PREP: variants seen among roughly 807,000 people sequenced by gnomAD.
The protein encoded by PREP is dJ355L5.1 (prolyl endopeptidase).
PREP carries 29 observed loss-of-function variants against 87.6 expected under a neutral mutation model. The observed-to-expected ratio is 0.33, with a 90% CI of 0.25 to 0.45. The LOEUF is 0.45. Ranked by LOEUF, PREP falls within the 20% of genes least tolerant of loss-of-function variation. The probability of loss-of-function intolerance (pLI) is 1.00; values close to 1 mark genes in which losing one functional copy is unlikely to be tolerated. For missense variants in PREP, 695 were observed against 886.5 expected, an observed-to-expected ratio of 0.78 and a Z score of 2.74; for synonymous variants, 337 against 328.6, an observed-to-expected ratio of 1.03 and a Z score of -0.28.
intron 10 of PREP, chr6:105,302,785 C>G (rs528861317): frequency 6.1e-5 from 29 of 473,120 alleles, no homozygotes; most frequent in African/African-American, 3.8e-4. Flanking sequence ...GCAACTCTTT[C>G]TCCTTCCCGT....
chr6:105,310,259 T>C (rs1357533892), intron 10 of PREP, among the ~76,000 whole-genome samples: 2 of 152,322 alleles, frequency 1.3e-5, no homozygotes, highest in South Asian at 2.1e-4. Flanking sequence ...ATACCATTAA[T>C]ACAAGATTAT....
chr6:105,298,935 AAAAAAACC>A (rs1175123455), intron 10 of PREP: 1 of 152,192 alleles, frequency 6.6e-6, no homozygotes, highest in Admixed American at 6.5e-5. Context: ...ATTCTCCTTC[AAAAAAACC>A]AAAAAACCTT....
intron 8 of PREP, among the ~76,000 whole-genome samples, chr6:105,332,801 A>G (rs1417885390): frequency 1.3e-5 from 2 of 152,198 alleles, no homozygotes; most frequent in African/African-American, 4.8e-5. Context: ...GACGTTCTCA[A>G]GAGGTTAATG....
At chr6:105,283,522 A>T (rs1770124930) in intron 12 of PREP, among the ~76,000 whole-genome samples, 1 of 152,242 alleles carries the variant, frequency 6.6e-6, no homozygotes, top group Admixed American at 6.5e-5. Context: ...TATCAAAACA[A>T]ATGTTATTAA....
At chr6:105,393,134 C>G (rs998269053) in intron 2 of PREP, among the ~76,000 whole-genome samples, 2 of 152,160 alleles carry the variant, frequency 1.3e-5, no homozygotes, top group South Asian at 2.1e-4. Context: ...ATTAGCCATA[C>G]CTTGCTGTAA....
In PREP at chr6:105,318,504, C is replaced by T. The variant is rs552552161; in HGVS notation, c.1317+5161G>A. Among the ~76,000 whole-genome samples the T allele has an allele frequency of 1.3e-4, 20 of 152,260 alleles. No individual in the cohort carries two copies. In the East Asian group the frequency reaches 3.9e-3, roughly 29 times the overall value. Reference sequence around the variant, plus strand: ...AAAACAGACTTATCTTCCAGAGTCACACAGCTGGTATCCAGAGAAGGAGAA... The same window carrying T: ...AAAACAGACTTATCTTCCAGAGTCATACAGCTGGTATCCAGAGAAGGAGAA... On this transcript the variant is annotated intron_variant, in intron 10 of 14. Coordinates refer to ENST00000652536, the MANE Select transcript of PREP (RefSeq NM_002726.5).
intron 2 of PREP, among the ~76,000 whole-genome samples, chr6:105,394,800 T>C (rs1273403401): frequency 2.0e-5 from 3 of 152,136 alleles, no homozygotes; most frequent in East Asian, 3.9e-4. Flanking sequence ...GTAACACTTG[T>C]ATATGCCATC....
At chr6:105,282,824 T>TAA (rs1304818238) in intron 12 of PREP, among the ~76,000 whole-genome samples, 1 of 152,178 alleles carries the variant, frequency 6.6e-6, no homozygotes, top group Non-Finnish European at 1.5e-5. Flanking sequence ...CTCTAGAACT[T>TAA]AAACGGGAAA....
intron 10 of PREP, among the ~76,000 whole-genome samples, chr6:105,313,342 A>G (rs1328823435): frequency 1.3e-5 from 2 of 152,226 alleles, no homozygotes; most frequent in African/African-American, 4.8e-5. Context: ...AAATCTGTGT[A>G]GCAGGTGGAC....
intron 10 of PREP, among the ~76,000 whole-genome samples, chr6:105,296,659 T>G (rs1254589530): frequency 6.6e-6 from 1 of 152,222 alleles, no homozygotes; most frequent in African/African-American, 2.4e-5. Context: ...TGTTCAGAAA[T>G]GACATTTTTG....
intron 10 of PREP, among the ~76,000 whole-genome samples, chr6:105,296,361 A>C (rs1369312761): frequency 1.3e-5 from 2 of 150,684 alleles, no homozygotes; most frequent in Non-Finnish European, 3.0e-5. Flanking sequence ...TGCTTTGTTT[A>C]TATTTTGTCC....
At chr6:105,395,482 T>C (rs998067077) in intron 2 of PREP, among the ~76,000 whole-genome samples, 1 of 152,132 alleles carries the variant, frequency 6.6e-6, no homozygotes, top group South Asian at 2.1e-4. Context: ...ATTTCAGAAT[T>C]TGAGAATTAA....
chr6:105,393,948 T>C (rs1045556614), intron 2 of PREP, among the ~76,000 whole-genome samples: 10 of 151,970 alleles, frequency 6.6e-5, no homozygotes, highest in African/African-American at 2.4e-5. Context: ...AACTAAGTGT[T>C]TGAAATCCAG....
At chr6:105,355,909 G>A (rs1044685725) in intron 6 of PREP, among the ~76,000 whole-genome samples, 30 of 152,018 alleles carry the variant, frequency 2.0e-4, no homozygotes, top group Non-Finnish European at 4.1e-4. Context: ...AGAAGAGTAT[G>A]TGGTTCATTT....
At chr6:105,339,316 G>A (rs1771569284) in intron 7 of PREP, among the ~76,000 whole-genome samples, 1 of 152,218 alleles carries the variant, frequency 6.6e-6, no homozygotes, top group Admixed American at 6.5e-5. Context: ...ACCTGCAGCT[G>A]AGGGTCCTGA....
chr6:105,358,040 C>T (rs28404342), intron 6 of PREP, among the ~76,000 whole-genome samples: 18,813 of 151,714 alleles, frequency 0.12, 1,522 homozygotes, highest in African/African-American at 0.23. Flanking sequence ...ATTAGCCTGA[C>T]CAATTATGAA....
At chr6:105,352,607 T>A (rs916701351) in intron 7 of PREP, among the ~76,000 whole-genome samples, 4 of 152,170 alleles carry the variant, frequency 2.6e-5, no homozygotes, top group African/African-American at 7.2e-5. Flanking sequence ...TGCCTCAGCC[T>A]CCTGAGCCCC....
At chr6:105,373,345 G>A in intron 5 of PREP, 24 bp downstream of exon 5, 2 of 1,605,082 alleles carry the variant, frequency 1.2e-6, no homozygotes, top group Non-Finnish European at 1.7e-6. Flanking sequence ...TGAAAAATGT[G>A]CTTCATCTGA....
chr6:105,358,618 C>A (rs894152630), intron 6 of PREP, among the ~76,000 whole-genome samples: 1 of 152,144 alleles, frequency 6.6e-6, no homozygotes, highest in Non-Finnish European at 1.5e-5. Context: ...CACCCCCATG[C>A]TTCTTCTCTG....
Sources: gnomAD v4.1 joint callset for allele counts (sites outside exome capture counted in the v4.1 genomes callset) on GRCh38, gnomAD v4.1.1 for gene constraint, MANE v1.5 for transcripts, NCBI Gene and HGNC (gene_info 2026-07-23, HGNC 2026-07-21) for gene names.